The following CHN1 variants were observed in gnomAD, a reference collection of about 807,000 sequenced individuals.
CHN1 encodes the protein N-chimaerin.
In CHN1, 37 loss-of-function variants were observed where a neutral mutation model predicts 59.5. That is an observed-to-expected ratio of 0.62 (90% CI 0.48 to 0.82). The LOEUF is 0.82. Among genes scored for constraint, CHN1 ranks in the 40% least tolerant of loss-of-function variants. The probability of loss-of-function intolerance (pLI) is 0.00; values close to 1 mark genes in which losing one functional copy is unlikely to be tolerated. For synonymous variants in CHN1, 206 were observed against 200.4 expected, an observed-to-expected ratio of 1.03 and a Z score of -0.24; for missense variants, 469 against 571.0, an observed-to-expected ratio of 0.82 and a Z score of 1.82.
At chr2:174,818,512 C>T (rs1685360056) in intron 8 of CHN1, among the ~76,000 whole-genome samples, 1 of 151,982 alleles carries the variant, frequency 6.6e-6, no homozygotes, top group East Asian at 1.9e-4. Context: ...TTATATAGTT[C>T]CATTTCTCTC....
chr2:174,875,707 A>C, intron 6 of CHN1: 889 of 423,836 alleles, frequency 2.1e-3, no homozygotes, highest in Middle Eastern at 3.8e-3. Context: ...TTTAGCTATT[A>C]AGGGCCCATT....
At chr2:174,824,375 A>T in intron 8 of CHN1, 59 bp downstream of exon 8, 6 of 1,171,554 alleles carry the variant, frequency 5.1e-6, no homozygotes, top group South Asian at 1.4e-5. Flanking sequence ...GTCTCCTTCT[A>T]CCTCACCTCT....
At chr2:174,802,272 T>C (rs959900552) in intron 11 of CHN1, among the ~76,000 whole-genome samples, 1 of 152,360 alleles carries the variant, frequency 6.6e-6, no homozygotes, top group South Asian at 2.1e-4. Context: ...TTACCCACTA[T>C]GACCCCAAGA....
chr2:174,818,350 G>T (rs1685353554), intron 8 of CHN1, among the ~76,000 whole-genome samples: 1 of 152,152 alleles, frequency 6.6e-6, no homozygotes, highest in Admixed American at 6.5e-5. Flanking sequence ...AAATAAAGCT[G>T]ATTTTTATAC....
intron 5 of CHN1, among the ~76,000 whole-genome samples, chr2:174,889,529 C>A (rs1361026109): frequency 6.6e-6 from 1 of 151,924 alleles, no homozygotes; most frequent in African/African-American, 2.4e-5. Context: ...AACAAAGACA[C>A]AGAAACTATA....
intron 1 of CHN1, among the ~76,000 whole-genome samples, chr2:174,989,195 G>A (rs943528487): frequency 6.6e-6 from 1 of 151,690 alleles, no homozygotes; most frequent in Non-Finnish European, 1.5e-5. Flanking sequence ...GGCCAACATG[G>A]TGAAACCCCG....
At chr2:174,855,698 AG>A (rs1316884000) in intron 6 of CHN1, among the ~76,000 whole-genome samples, 1 of 152,158 alleles carries the variant, frequency 6.6e-6, no homozygotes, top group African/African-American at 2.4e-5. Flanking sequence ...TGTATGATAA[AG>A]TTTAGTTGTC....
chr2:174,965,755 G>A (rs1690571461), intron 1 of CHN1, among the ~76,000 whole-genome samples: 1 of 152,214 alleles, frequency 6.6e-6, no homozygotes, highest in Admixed American at 6.5e-5. Context: ...AAAAATGTAC[G>A]GCAATAATAA....
At chr2:174,847,875 C>A in intron 6 of CHN1, 1 of 412,506 alleles carries the variant, frequency 2.4e-6, no homozygotes, top group South Asian at 1.8e-5. Context: ...CTATTAAAAG[C>A]AGAGGAAAAT....
intron 5 of CHN1, among the ~76,000 whole-genome samples, chr2:174,913,784 C>T (rs1452288418): frequency 6.6e-6 from 1 of 152,158 alleles, no homozygotes; most frequent in African/African-American, 2.4e-5. Flanking sequence ...CTCGCTCACA[C>T]AGGTATAAGT....
rs193003765 is a variant in CHN1 at position 174,872,537 on chromosome 2, C to T, written c.549+5303G>A. Among the ~76,000 whole-genome samples the T allele has an allele frequency of 1.7e-3, 266 of 152,222 alleles. 1 individual carries two copies. Among genetic ancestry groups the T allele is most frequent in the African/African-American group, 6.0e-3 (250 of 41,518 alleles). ...ACTGTTCGATACTAAAATGCAAATA[C>T]CACAGGAAAATAATATATTTTGGCC... is the stretch of plus-strand genomic sequence containing the variant. On this transcript the variant is annotated intron_variant, in intron 6 of 12. Transcript: ENST00000409900.
chr2:174,823,166 T>C (rs1685557310), intron 8 of CHN1, among the ~76,000 whole-genome samples: 1 of 152,168 alleles, frequency 6.6e-6, no homozygotes, highest in African/African-American at 2.4e-5. Context: ...AGAAATGATG[T>C]TTATAGCGAT....
rs536727509 is a variant in CHN1 at position 174,900,875 on chromosome 2, A to C, written c.260+14183T>G. On this transcript the variant is annotated intron_variant, in intron 5 of 12. Transcript: ENST00000409900. ...ATCTAGGGCAAAGAAAAATGGAATA[A>C]ATTTTATAAAATAAAATTTTCACTT... Among the ~76,000 whole-genome samples, 16 of 152,310 alleles carry C rather than the reference A, an allele frequency of 1.1e-4. No individual in the cohort carries two copies. In the South Asian group the frequency reaches 3.3e-3, roughly 32 times the overall value.
At chr2:174,979,575 G>T (rs1691070408) in intron 1 of CHN1, among the ~76,000 whole-genome samples, 1 of 152,158 alleles carries the variant, frequency 6.6e-6, no homozygotes, top group African/African-American at 2.4e-5. Flanking sequence ...AACACTTTGG[G>T]AGGCCGAGGT....
intron 1 of CHN1, among the ~76,000 whole-genome samples, chr2:174,999,993 A>G (rs1691833702): frequency 6.6e-6 from 1 of 152,236 alleles, no homozygotes; most frequent in Non-Finnish European, 1.5e-5. Flanking sequence ...ATTCCTCTAC[A>G]GTGTACACAG....
chr2:174,826,688 A>G (rs1385705215), intron 7 of CHN1, among the ~76,000 whole-genome samples: 1 of 152,256 alleles, frequency 6.6e-6, no homozygotes, highest in African/African-American at 2.4e-5. Context: ...CTGTTTTAAT[A>G]GAACCAATCC....
chr2:174,867,326 G>A (rs996852572), intron 6 of CHN1, among the ~76,000 whole-genome samples: 1 of 151,102 alleles, frequency 6.6e-6, no homozygotes, highest in South Asian at 2.1e-4. Flanking sequence ...GCAGTGAGCC[G>A]AGATTGTGTC....
chr2:174,848,573 T>C (rs536606940), intron 6 of CHN1, among the ~76,000 whole-genome samples: 37 of 152,296 alleles, frequency 2.4e-4, no homozygotes, highest in African/African-American at 8.4e-4. Context: ...TTCAGTATAT[T>C]TGTAGTGTAA....
intron 3 of CHN1, among the ~76,000 whole-genome samples, chr2:174,920,823 G>A (rs1220747492): frequency 3.3e-5 from 5 of 152,126 alleles, no homozygotes; most frequent in Non-Finnish European, 7.3e-5. Context: ...TGCACTTACT[G>A]TGTACTTTAT....
Sources: gnomAD v4.1 joint callset for allele counts (sites outside exome capture counted in the v4.1 genomes callset) on GRCh38, gnomAD v4.1.1 for gene constraint, MANE v1.5 for transcripts, NCBI Gene and HGNC (gene_info 2026-07-23, HGNC 2026-07-21) for gene names.